Variants in ADCY8 observed in about 807,000 individuals in gnomAD.
ADCY8 encodes adenylate cyclase type 8.
A neutral mutation model predicts 119.7 loss-of-function variants in ADCY8; 51 were observed. The ratio of observed to expected loss-of-function variants is 0.43; its 90% confidence interval spans 0.34 to 0.54. ADCY8 has a LOEUF of 0.54. ADCY8 is among the 20% of genes least tolerant of loss of function. The pLI is 0.03. For synonymous variants in ADCY8, 665 were observed against 651.0 expected (o/e 1.02, Z -0.33); for missense variants, 1,383 against 1,598.8 (o/e 0.87, Z 2.30).
intron 7 of ADCY8, among the ~76,000 whole-genome samples, chr8:130,896,710 A>AT (rs888456512): frequency 5.9e-5 from 9 of 151,732 alleles, no homozygotes; most frequent in East Asian, 5.8e-4. Flanking sequence ...ATACTTTTTA[A>AT]TTTTTTTTTC....
At chr8:130,947,835 T>C (rs1320767540) in intron 3 of ADCY8, among the ~76,000 whole-genome samples, 1 of 152,300 alleles carries the variant, frequency 6.6e-6, no homozygotes, top group Non-Finnish European at 1.5e-5. Context: ...AAAAGAACCA[T>C]GACAGAGAAG....
intron 1 of ADCY8, among the ~76,000 whole-genome samples, chr8:131,006,031 CTCTT>C (rs776360692): frequency 6.6e-6 from 1 of 152,072 alleles, no homozygotes; most frequent in Non-Finnish European, 1.5e-5. Flanking sequence ...CTCTCTCTCT[CTCTT>C]TCTCTCTCTC....
chr8:130,955,628 C>G (rs1821403612), intron 2 of ADCY8, among the ~76,000 whole-genome samples: 1 of 152,156 alleles, frequency 6.6e-6, no homozygotes, highest in Non-Finnish European at 1.5e-5. Flanking sequence ...GGAAATATGT[C>G]AAATGGTGCC....
chr8:130,909,479 G>A (rs1819905279), intron 6 of ADCY8, among the ~76,000 whole-genome samples: 1 of 152,178 alleles, frequency 6.6e-6, no homozygotes, highest in South Asian at 2.1e-4. Context: ...GACCAATGCT[G>A]TGCAGGGCAG....
At chr8:130,905,115 A>G (rs1305839037) in intron 6 of ADCY8, among the ~76,000 whole-genome samples, 6 of 152,198 alleles carry the variant, frequency 3.9e-5, no homozygotes. Context: ...CTACGAGTTG[A>G]TTTGTGTAAG....
intron 2 of ADCY8, among the ~76,000 whole-genome samples, chr8:130,975,573 T>C (rs1822047568): frequency 6.6e-6 from 1 of 152,136 alleles, no homozygotes; most frequent in African/African-American, 2.4e-5. Context: ...GTCCCTAAAT[T>C]AGTTAAACCA....
chr8:130,944,238 G>A (rs1821043194), intron 3 of ADCY8, among the ~76,000 whole-genome samples: 1 of 152,166 alleles, frequency 6.6e-6, no homozygotes, highest in African/African-American at 2.4e-5. Context: ...AGTGGCACAT[G>A]GCATAGCTGG....
At position 130,992,393 on chromosome 8, in the gene ADCY8, A is replaced by AC; in HGVS notation, c.961-1852_961-1851insG. ...GCAACTGTATCTGGCATATATATAT[A>AC]TATATATATATATATATATATATAT... is the stretch of plus-strand genomic sequence containing the variant. On this transcript the variant is annotated intron_variant, in intron 1 of 17. Transcript: ENST00000286355. 2.8e-5 allele frequency among the ~76,000 whole-genome samples: 3 copies of AC among 107,776 alleles called. 1 individual carries two copies. In the East Asian group the frequency reaches 6.7e-4, roughly 24 times the overall value. The allele number at this position is 107,776 out of a possible 152,430, so 70.7% of individuals were successfully genotyped here.
chr8:130,794,330 C>T (rs555604126), intron 15 of ADCY8, among the ~76,000 whole-genome samples: 1 of 152,286 alleles, frequency 6.6e-6, no homozygotes, highest in South Asian at 2.1e-4. Context: ...CTGCAACCTC[C>T]ACTTCCCAGG....
At chr8:130,837,669 A>G (rs1410497624) in intron 11 of ADCY8, among the ~76,000 whole-genome samples, 1 of 152,224 alleles carries the variant, frequency 6.6e-6, no homozygotes, top group African/African-American at 2.4e-5. Context: ...GTATCCTAAT[A>G]TATCATTCTG....
intron 11 of ADCY8, among the ~76,000 whole-genome samples, chr8:130,842,034 G>A (rs976709634): frequency 1.3e-5 from 2 of 152,174 alleles, no homozygotes; most frequent in South Asian, 2.1e-4. Context: ...TGTTCACTGG[G>A]TTGTGTTAAT....
chr8:130,897,763 A>G (rs1247603048), intron 7 of ADCY8, among the ~76,000 whole-genome samples: 2 of 7,946 alleles, frequency 2.5e-4, no homozygotes, highest in African/African-American at 5.2e-4. Context: ...TACATACCAC[A>G]CATACATCCA....
intron 1 of ADCY8, among the ~76,000 whole-genome samples, chr8:131,016,144 A>G (rs576387662): frequency 2.0e-5 from 3 of 152,254 alleles, no homozygotes; most frequent in Admixed American, 2.0e-4. Flanking sequence ...TAGAAGGTAA[A>G]AAGTAATTTA....
chr8:130,995,013 A>C, intron 1 of ADCY8, among the ~76,000 whole-genome samples: 1 of 152,184 alleles, frequency 6.6e-6, no homozygotes, highest in East Asian at 1.9e-4. Flanking sequence ...TCAATTTCCC[A>C]GATTACTAAC....
At chr8:130,966,010 G>T (rs1464118504) in intron 2 of ADCY8, among the ~76,000 whole-genome samples, 2 of 152,170 alleles carry the variant, frequency 1.3e-5, no homozygotes, top group Non-Finnish European at 2.9e-5. Flanking sequence ...GGCTGTATTT[G>T]TCTGGACTCC....
rs1233230400 is a variant in ADCY8 at position 130,780,775 on chromosome 8, G to A, written c.3371C>T (p.Thr1124Met). The A allele has an allele frequency of 1.2e-5, 20 of 1,614,066 alleles. No homozygotes were observed. The highest frequency in any genetic ancestry group is 2.2e-5 in the South Asian group (2 of 91,080). Residue 1124 changes from threonine (T) to methionine (M), a missense_variant, in exon 18 of 18, where the codon ACG becomes ATG. This residue lies in a region of ADCY8 where 928 missense variants were observed against 1,163.5 expected (regional missense o/e 0.80). Coordinates refer to ENST00000286355, the MANE Select transcript of ADCY8 (RefSeq NM_001115.3). ...GACTTGGATCCGGCCACTAACCCCC[G>A]TGCTGTCCATTCGGCTTGCCAGGTT... The part of the protein sequence containing the change: ...TVNLASRMDS[T>M]GVSGRIQVPE...
chr8:130,909,686 A>G, intron 6 of ADCY8, 22 bp downstream of exon 6: 1 of 1,613,892 alleles, frequency 6.2e-7, no homozygotes, highest in Non-Finnish European at 8.5e-7. Context: ...TTAAGCATGA[A>G]AAGGGCTTTG....
At chr8:130,797,169 G>A (rs1484402143) in intron 15 of ADCY8, among the ~76,000 whole-genome samples, 1 of 152,106 alleles carries the variant, frequency 6.6e-6, no homozygotes, top group Non-Finnish European at 1.5e-5. Context: ...GGCCCAGGAC[G>A]TCTTTGAATG....
chr8:130,905,280 T>A (rs1323743823), intron 6 of ADCY8, among the ~76,000 whole-genome samples: 1 of 152,230 alleles, frequency 6.6e-6, no homozygotes, highest in East Asian at 1.9e-4. Flanking sequence ...GCCTTCTGAA[T>A]AAGGCCTCCA....
Sources: gnomAD v4.1 joint callset for allele counts (sites outside exome capture counted in the v4.1 genomes callset) on GRCh38, gnomAD v4.1.1 for gene constraint, gnomAD v4.1.1 regional missense constraint, MANE v1.5 for transcripts, NCBI Gene and HGNC (gene_info 2026-07-23, HGNC 2026-07-21) for gene names.